The following SYTL3 variants were observed in gnomAD, a reference collection of about 807,000 sequenced individuals.
The protein encoded by SYTL3 is synaptotagmin like 3.
Under a neutral mutation model 82.1 loss-of-function variants are expected in SYTL3, and 88 were observed. The observed-to-expected ratio is 1.07, with a 90% CI of 0.90 to 1.28. The LOEUF (loss-of-function observed/expected upper bound fraction) is 1.28. Among genes scored for constraint, SYTL3 ranks in the 50% most tolerant of loss-of-function variants. SYTL3 has a pLI of 0.00. For synonymous variants in SYTL3, 311 were observed against 289.4 expected, an observed-to-expected ratio of 1.07 and a Z score of -0.76; for missense variants, 831 against 757.6, an observed-to-expected ratio of 1.10 and a Z score of -1.14.
At chr6:158,676,795 A>G (rs1331271049) in intron 5 of SYTL3, among the ~76,000 whole-genome samples, 1 of 152,232 alleles carries the variant, frequency 6.6e-6, no homozygotes, top group Non-Finnish European at 1.5e-5. Context: ...GCCAAAAAAC[A>G]CATGAAAAAA....
chr6:158,676,770 G>C (rs1778084109), intron 5 of SYTL3, among the ~76,000 whole-genome samples: 1 of 152,146 alleles, frequency 6.6e-6, no homozygotes, highest in South Asian at 2.1e-4. Context: ...CTTCTCAAAA[G>C]AAGACATTTA....
intron 10 of SYTL3, among the ~76,000 whole-genome samples, chr6:158,719,231 A>G (rs146583906): frequency 6.3e-4 from 96 of 152,288 alleles, no homozygotes; most frequent in Non-Finnish European, 1.2e-3. Flanking sequence ...AGGCTATCTC[A>G]TTTTATCTTC....
intron 12 of SYTL3, among the ~76,000 whole-genome samples, chr6:158,749,390 GA>G (rs1167978441): frequency 0.15 from 7,796 of 51,950 alleles, 331 homozygotes; most frequent in African/African-American, 0.32. Flanking sequence ...GACTCTGTCT[GA>G]AAAAAAAAAA....
At chr6:158,693,378 T>C (rs1780130984) in intron 6 of SYTL3, among the ~76,000 whole-genome samples, 1 of 152,048 alleles carries the variant, frequency 6.6e-6, no homozygotes, top group Admixed American at 6.6e-5. Context: ...CCACTACACC[T>C]GGCTAATTTG....
chr6:158,760,061 C>T (rs1789699887), intron 14 of SYTL3, among the ~76,000 whole-genome samples: 2 of 152,108 alleles, frequency 1.3e-5, no homozygotes, highest in South Asian at 2.1e-4. Context: ...GTGTGGATTT[C>T]AGGCTCATCT....
chr6:158,719,747 C>A (rs1031271148), intron 10 of SYTL3, among the ~76,000 whole-genome samples: 12 of 152,324 alleles, frequency 7.9e-5, no homozygotes, highest in Admixed American at 7.8e-4. Flanking sequence ...TTACCTACTT[C>A]ATCACATTTA....
chr6:158,699,340 G>C (rs1393153558), intron 6 of SYTL3, among the ~76,000 whole-genome samples: 1 of 152,186 alleles, frequency 6.6e-6, no homozygotes, highest in Non-Finnish European at 1.5e-5. Context: ...GGTATGGTTG[G>C]GGGTTAGCGT....
rs74923038 is a variant in SYTL3 at position 158,757,945 on chromosome 6, G to C, written c.1308+564G>C. On this transcript the variant is annotated intron_variant, in intron 14 of 17. Coordinates refer to ENST00000611299, the MANE Select transcript of SYTL3 (RefSeq NM_001242394.2). ...GGAGATAGATAGCACGTGGGCTGGGGGTGGGTCAGAGGAGCTGATGGACTC... is the reference window on the plus strand; with the variant it reads ...GGAGATAGATAGCACGTGGGCTGGGCGTGGGTCAGAGGAGCTGATGGACTC... Among the ~76,000 whole-genome samples, 200 of 152,322 alleles carry C rather than the reference G, an allele frequency of 1.3e-3. 2 individuals are homozygous for C. The highest frequency in any genetic ancestry group is 2.5e-3 in the Non-Finnish European group (167 of 68,026).
chr6:158,748,458 T>C (rs1787945854), intron 12 of SYTL3, among the ~76,000 whole-genome samples: 1 of 152,196 alleles, frequency 6.6e-6, no homozygotes, highest in South Asian at 2.1e-4. Context: ...TTTCCTGACT[T>C]TTAAATTTCA....
At chr6:158,655,954 A>G (rs542914857) in intron 2 of SYTL3, among the ~76,000 whole-genome samples, 12 of 152,190 alleles carry the variant, frequency 7.9e-5, no homozygotes, top group Non-Finnish European at 1.8e-4. Flanking sequence ...TGCAGAGCGC[A>G]TGTGGTCAGG....
chr6:158,665,282 C>T (rs893207558), intron 4 of SYTL3, 113 bp from the exon 5 acceptor site: 5 of 933,938 alleles, frequency 5.4e-6, no homozygotes, highest in East Asian at 2.7e-5. Context: ...CCAGGGATGT[C>T]GAATGCCAAA....
chr6:158,690,817 G>A (rs371373057), intron 6 of SYTL3, among the ~76,000 whole-genome samples: 5 of 152,028 alleles, frequency 3.3e-5, no homozygotes, highest in Non-Finnish European at 7.4e-5. Context: ...TAGTACATTC[G>A]AATTATCAAA....
intron 12 of SYTL3, among the ~76,000 whole-genome samples, chr6:158,749,907 G>A (rs963043965): frequency 6.6e-6 from 1 of 152,182 alleles, no homozygotes; most frequent in African/African-American, 2.4e-5. Context: ...TCATCTAGAA[G>A]AGTTGAAGGG....
At chr6:158,663,972 C>T (rs1270043653) in intron 4 of SYTL3, among the ~76,000 whole-genome samples, 1 of 152,054 alleles carries the variant, frequency 6.6e-6, no homozygotes, top group Non-Finnish European at 1.5e-5. Context: ...CTGCACGGGC[C>T]GTTTGATATG....
chr6:158,684,884 A>G (rs1428574018), intron 6 of SYTL3, among the ~76,000 whole-genome samples: 3 of 151,020 alleles, frequency 2.0e-5, no homozygotes, highest in Non-Finnish European at 4.4e-5. Context: ...ACTAAGGGTC[A>G]TGTCAGGCAA....
At chr6:158,763,606 T>C in intron 17 of SYTL3, 97 bp downstream of exon 17, 1 of 1,115,370 alleles carries the variant, frequency 9.0e-7, no homozygotes, top group Admixed American at 1.9e-5. Context: ...GTGACTTAAC[T>C]GGTTTTGAAA....
chr6:158,668,720 G>A (rs749125183), intron 5 of SYTL3, among the ~76,000 whole-genome samples: 14 of 152,184 alleles, frequency 9.2e-5, no homozygotes, highest in Non-Finnish European at 1.9e-4. Flanking sequence ...AGGCACCGAG[G>A]GAGGAGGCTG....
intron 11 of SYTL3, among the ~76,000 whole-genome samples, chr6:158,741,131 C>CA (rs1381792111): frequency 3.9e-5 from 6 of 152,094 alleles, no homozygotes; most frequent in Non-Finnish European, 8.8e-5. Context: ...GCAGTGGTGC[C>CA]ATCTCAGCTC....
chr6:158,733,196 G>C (rs1460699865), intron 11 of SYTL3, among the ~76,000 whole-genome samples: 1 of 152,172 alleles, frequency 6.6e-6, no homozygotes, highest in African/African-American at 2.4e-5. Flanking sequence ...GAAGATATTT[G>C]TGCTGAATAT....
Sources: gnomAD v4.1 joint callset for allele counts (sites outside exome capture counted in the v4.1 genomes callset) on GRCh38, gnomAD v4.1.1 for gene constraint, MANE v1.5 for transcripts, NCBI Gene and HGNC (gene_info 2026-07-23, HGNC 2026-07-21) for gene names.